TASP1: variants seen among roughly 807,000 people sequenced by gnomAD.
TASP1 encodes threonine aspartase 1.
Under a neutral mutation model 56.6 loss-of-function variants are expected in TASP1, and 16 were observed. The observed-to-expected ratio is 0.28, with a 90% confidence interval of 0.19 to 0.43. The LOEUF (loss-of-function observed/expected upper bound fraction) is 0.43. TASP1 is among the 20% of genes least tolerant of loss of function. TASP1 has a pLI of 1.00. For missense variants in TASP1, 393 were observed against 511.6 expected (o/e 0.77, Z 2.24); for synonymous variants, 179 against 184.2 (o/e 0.97, Z 0.23).
the TASP1 span, among the ~76,000 whole-genome samples, chr20:13,274,322 T>C: frequency 6.6e-6 from 1 of 152,190 alleles, no homozygotes; most frequent in Admixed American, 6.5e-5. Context: ...ACAGCCCTGC[T>C]GGTCCCTGAC....
the TASP1 span, chr20:13,169,039 C>A: frequency 2.6e-5 from 4 of 151,668 alleles, no homozygotes; most frequent in African/African-American, 7.3e-5. Context: ...TTGAAACGAC[C>A]AATTTCACTT....
At position 13,531,312 on chromosome 20, in the gene TASP1, G is replaced by A. The variant is rs181679155; in HGVS notation, c.795+2710C>T. ...ATTAGAATAGAGGTTTACCTAGATC[G>A]GAAGTCCACACTTAACCAGTAAACT... On this transcript the variant is annotated intron_variant, in intron 9 of 13. Transcript: ENST00000337743. Among the ~76,000 whole-genome samples the A allele has an allele frequency of 2.6e-4, 40 of 152,132 alleles. No homozygotes were observed. In the East Asian group the frequency reaches 7.4e-3, roughly 28 times the overall value.
chr20:13,164,585 G>T, the TASP1 span: 2 of 616,108 alleles, frequency 3.2e-6, no homozygotes, highest in African/African-American at 3.7e-5. Flanking sequence ...TTCCTCTAGG[G>T]TCTTAAACCA....
downstream of TASP1, among the ~76,000 whole-genome samples, chr20:13,387,839 A>G (rs780342207): frequency 4.9e-4 from 74 of 152,236 alleles, no homozygotes; most frequent in Non-Finnish European, 8.7e-4. Context: ...TGGTAATTAG[A>G]AGGTAAGAAA....
At chr20:13,163,827 C>T in the TASP1 span, among the ~76,000 whole-genome samples, 1 of 152,146 alleles carries the variant, frequency 6.6e-6, no homozygotes, top group Non-Finnish European at 1.5e-5. Context: ...TTAAGAAAAA[C>T]AGGCTCAGAA....
the TASP1 span, among the ~76,000 whole-genome samples, chr20:13,119,838 G>C: frequency 6.6e-6 from 1 of 152,178 alleles, no homozygotes; most frequent in African/African-American, 2.4e-5. Flanking sequence ...GAGGGCATTT[G>C]AGAAAATGCC....
the TASP1 span, among the ~76,000 whole-genome samples, chr20:13,351,197 G>A: frequency 4.7e-4 from 72 of 152,292 alleles, no homozygotes; most frequent in African/African-American, 1.7e-3. Flanking sequence ...CAAACATGCA[G>A]AGCTACTGGA....
intron 6 of TASP1, among the ~76,000 whole-genome samples, chr20:13,578,992 G>T (rs1156529763): frequency 6.6e-6 from 1 of 152,094 alleles, no homozygotes; most frequent in African/African-American, 2.4e-5. Context: ...GGGGTCAATG[G>T]GATTATGGTA....
intron 10 of TASP1, among the ~76,000 whole-genome samples, chr20:13,493,827 G>A (rs1156294171): frequency 6.6e-6 from 1 of 152,156 alleles, no homozygotes; most frequent in South Asian, 2.1e-4. Flanking sequence ...CATTTTGAGT[G>A]TTAATACAGG....
At chr20:13,612,415 C>G (rs1198429344) in intron 4 of TASP1, among the ~76,000 whole-genome samples, 2 of 151,286 alleles carry the variant, frequency 1.3e-5, no homozygotes, top group African/African-American at 4.9e-5. Flanking sequence ...ACAACTTCAT[C>G]TACAACTTTA....
At chr20:13,395,042 T>C (rs1198958609) in intron 13 of TASP1, among the ~76,000 whole-genome samples, 1 of 152,222 alleles carries the variant, frequency 6.6e-6, no homozygotes, top group East Asian at 1.9e-4. Context: ...TCATACTCAA[T>C]GTTAAGATCT....
the TASP1 span, among the ~76,000 whole-genome samples, chr20:13,223,692 A>G: frequency 6.6e-6 from 1 of 152,230 alleles, no homozygotes; most frequent in Admixed American, 6.5e-5. Context: ...AGATAAGTAC[A>G]GTGACAGACT....
intron 1 of TASP1, among the ~76,000 whole-genome samples, chr20:13,632,960 T>C (rs963823868): frequency 4.1e-4 from 63 of 152,182 alleles, no homozygotes; most frequent in African/African-American, 1.4e-3. Context: ...TTAAATACCA[T>C]TTTTTAACTT....
the TASP1 span, among the ~76,000 whole-genome samples, chr20:13,187,475 C>A: frequency 6.6e-6 from 1 of 151,644 alleles, no homozygotes; most frequent in Non-Finnish European, 1.5e-5. Flanking sequence ...GAAGGCCGGG[C>A]GCAGTGGCTC....
At chr20:13,403,479 C>T (rs1260273664) in intron 13 of TASP1, among the ~76,000 whole-genome samples, 1 of 152,194 alleles carries the variant, frequency 6.6e-6, no homozygotes, top group African/African-American at 2.4e-5. Context: ...CCCATCATAA[C>T]AAATGCAGCA....
At chr20:13,319,033 G>A in the TASP1 span, among the ~76,000 whole-genome samples, 1 of 152,178 alleles carries the variant, frequency 6.6e-6, no homozygotes. Flanking sequence ...TGATAATGAT[G>A]TGTCAATGTA....
At chr20:13,523,916 A>T (rs748235168) in intron 10 of TASP1, among the ~76,000 whole-genome samples, 13 of 152,114 alleles carry the variant, frequency 8.5e-5, no homozygotes, top group Non-Finnish European at 1.8e-4. Context: ...TTTGAGGCCA[A>T]AGTGGGAGGA....
intron 10 of TASP1, among the ~76,000 whole-genome samples, chr20:13,512,546 G>A (rs1024180390): frequency 1.3e-5 from 2 of 152,176 alleles, no homozygotes; most frequent in Non-Finnish European, 1.5e-5. Flanking sequence ...CTCCCATTCT[G>A]TAGGTTGCCT....
At chr20:13,198,590 A>G in the TASP1 span, among the ~76,000 whole-genome samples, 1 of 152,222 alleles carries the variant, frequency 6.6e-6, no homozygotes, top group African/African-American at 2.4e-5. Flanking sequence ...CAAATCTTGA[A>G]GTGAACAATA....
Sources: allele counts gnomAD v4.1 joint callset (sites outside exome capture counted in the v4.1 genomes callset), GRCh38; gene constraint gnomAD v4.1.1; transcripts MANE v1.5; gene names NCBI Gene and HGNC (gene_info 2026-07-23, HGNC 2026-07-21).